EPHA5: variants seen among roughly 807,000 people sequenced by gnomAD.
The protein encoded by EPHA5 is ephrin type-A receptor 5.
Under a neutral mutation model 105.0 loss-of-function variants are expected in EPHA5, and 60 were observed. That is an observed-to-expected ratio of 0.57 (90% CI 0.46 to 0.71). The LOEUF is 0.71. Among genes scored for constraint, EPHA5 ranks in the 30% least tolerant of loss-of-function variants. EPHA5 has a pLI of 0.00. For missense variants in EPHA5, 1,218 were observed against 1,274.7 expected, an observed-to-expected ratio of 0.96 and a Z score of 0.68; for synonymous variants, 513 against 449.1, an observed-to-expected ratio of 1.14 and a Z score of -1.80.
Position 65,420,488 on chromosome 4 carries a change from G to T in EPHA5, c.1480C>A (p.Arg494Ser). 6.2e-7 allele frequency: 1 copy of T among 1,612,442 alleles called. No homozygotes were observed. The highest frequency in any genetic ancestry group is 1.1e-5 in the South Asian group (1 of 90,934). ...TACTCTAGGATGATTCCATTGGGACGATCTGGTTCTTGCCAAGACAAAGAG... is the reference window on the plus strand; with the variant it reads ...TACTCTAGGATGATTCCATTGGGACTATCTGGTTCTTGCCAAGACAAAGAG... ...SISLSWQEPDRPNGIILEYEI... is the reference protein window; with the variant it reads ...SISLSWQEPDSPNGIILEYEI... The change falls in exon 6 of 17, where the codon CGT (arginine) becomes AGT (serine). Residue 494 changes from arginine (R) to serine (S), a missense_variant. By Grantham distance (110) the Arg-to-Ser change is moderately radical. This residue lies in a region of EPHA5 where 971 missense variants were observed against 1,013.5 expected (regional missense o/e 0.96). Transcript: ENST00000613740.
chr4:65,325,470 A>C (rs957569258), intron 16 of EPHA5, among the ~76,000 whole-genome samples: 21 of 127,232 alleles, frequency 1.7e-4, no homozygotes, highest in East Asian at 3.9e-4. Flanking sequence ...CTACCCCCCC[A>C]AAAAAATGCT....
chr4:65,476,125 AGAGTGTGTGT>A (rs1729784111), intron 5 of EPHA5, among the ~76,000 whole-genome samples: 2 of 132,252 alleles, frequency 1.5e-5, no homozygotes, highest in Admixed American at 7.5e-5. Flanking sequence ...AGAGAGAGAG[AGAGTGTGTGT>A]GTGTGTGTGT....
At chr4:65,523,101 G>T (rs1296960597) in intron 3 of EPHA5, among the ~76,000 whole-genome samples, 1 of 151,804 alleles carries the variant, frequency 6.6e-6, no homozygotes, top group African/African-American at 2.4e-5. Context: ...CAGCACTGGT[G>T]GTTAGACCAA....
chr4:65,332,329 C>T (rs1720702353), intron 15 of EPHA5, among the ~76,000 whole-genome samples: 1 of 151,344 alleles, frequency 6.6e-6, no homozygotes, highest in African/African-American at 2.4e-5. Flanking sequence ...TTATTTTATC[C>T]ATAATTAATG....
chr4:65,648,181 C>A (rs1748292961), intron 1 of EPHA5, among the ~76,000 whole-genome samples: 1 of 152,128 alleles, frequency 6.6e-6, no homozygotes, highest in African/African-American at 2.4e-5. Context: ...ATTCCTAAAT[C>A]CTCAACTTCA....
intron 8 of EPHA5, among the ~76,000 whole-genome samples, chr4:65,397,284 C>A (rs567517380): frequency 3.9e-5 from 6 of 152,196 alleles, no homozygotes; most frequent in African/African-American, 1.4e-4. Context: ...CTCTCCAATA[C>A]AGCTCCCCTC....
chr4:65,426,110 A>C (rs1462083542), intron 5 of EPHA5, among the ~76,000 whole-genome samples: 1 of 152,018 alleles, frequency 6.6e-6, no homozygotes, highest in Non-Finnish European at 1.5e-5. Context: ...TCATGCTGTA[A>C]TTTTGTCACG....
At position 65,534,860 on chromosome 4, in the gene EPHA5, T is replaced by C. The variant is rs530753156; in HGVS notation, c.911-39317A>G. On this transcript the variant is annotated intron_variant, in intron 3 of 16. Transcript: ENST00000613740. ...TATGTTCACTGAAAAGTGGCCATTATGTGAAACAACCTGCAGATAAACATT... is the reference window on the plus strand; with the variant it reads ...TATGTTCACTGAAAAGTGGCCATTACGTGAAACAACCTGCAGATAAACATT... Among the ~76,000 whole-genome samples, 22 of 152,380 alleles carry C rather than the reference T, an allele frequency of 1.4e-4. No homozygotes were observed. The East Asian group carries it at 3.9e-3, about 27-fold the overall frequency.
At chr4:65,617,634 G>A (rs1015519481) in intron 2 of EPHA5, among the ~76,000 whole-genome samples, 10 of 152,060 alleles carry the variant, frequency 6.6e-5, no homozygotes, top group Non-Finnish European at 1.5e-4. Flanking sequence ...CAGCCTTTTG[G>A]TCTGGCCACT....
intron 1 of EPHA5, among the ~76,000 whole-genome samples, chr4:65,645,120 T>A (rs572852906): frequency 2.6e-5 from 4 of 152,098 alleles, no homozygotes; most frequent in Non-Finnish European, 5.9e-5. Context: ...TACATCTAAT[T>A]TTTCAGACAG....
At chr4:65,344,948 A>G (rs1722075449) in intron 14 of EPHA5, among the ~76,000 whole-genome samples, 1 of 152,216 alleles carries the variant, frequency 6.6e-6, no homozygotes, top group Non-Finnish European at 1.5e-5. Flanking sequence ...ATGCTTAGAT[A>G]CAAAAATTTT....
At chr4:65,500,493 A>C (rs2149239392) in intron 3 of EPHA5, among the ~76,000 whole-genome samples, 1 of 151,298 alleles carries the variant, frequency 6.6e-6, no homozygotes, top group East Asian at 1.9e-4. Context: ...GCACCTATTT[A>C]GAAATTTGCT....
chr4:65,429,931 A>C (rs1724817178), intron 5 of EPHA5, among the ~76,000 whole-genome samples: 1 of 152,042 alleles, frequency 6.6e-6, no homozygotes, highest in Non-Finnish European at 1.5e-5. Context: ...AATATCTTTA[A>C]ATAGCATCAT....
In EPHA5 at chr4:65,510,031, CTT is replaced by C. The variant is rs11300558; in HGVS notation, c.911-14490_911-14489del. ...ATGCAATTTCAGATGATACATACTTCTTTTTTTTTTTTTTTTTTTCGAGATGG... is the reference window on the plus strand; with the variant it reads ...ATGCAATTTCAGATGATACATACTTCTTTTTTTTTTTTTTTTTCGAGATGG... On this transcript the variant is annotated intron_variant, in intron 3 of 16. Coordinates refer to ENST00000613740, the MANE Select transcript of EPHA5 (RefSeq NM_001281766.3). 4.1e-3 allele frequency among the ~76,000 whole-genome samples: 484 copies of C among 119,374 alleles called. 1 individual carries two copies. The highest frequency in any genetic ancestry group is 0.014 in the African/African-American group (423 of 30,504). The allele number at this position is 119,374 out of a possible 152,430, so 78.3% of individuals were successfully genotyped here. A position where few individuals can be genotyped will look rare whatever the true frequency, so the allele number is the denominator to read the frequency against.
At position 65,541,716 on chromosome 4, in the gene EPHA5, T is replaced by G. The variant is rs139783159; in HGVS notation, c.911-46173A>C. On this transcript the variant is annotated intron_variant, in intron 3 of 16. Transcript: ENST00000613740. The stretch of plus-strand genomic sequence containing the variant: ...ATCAGACAGACAATTAACAAGGATA[T>G]TCAGGACTTGAACTCAGCTTTGGAT... Among the ~76,000 whole-genome samples the G allele has an allele frequency of 3.3e-3, 495 of 151,946 alleles. 1 individual carries two copies. The highest frequency in any genetic ancestry group is 0.016 in the East Asian group (82 of 5,156).
intron 3 of EPHA5, among the ~76,000 whole-genome samples, chr4:65,551,262 G>A (rs1156745311): frequency 3.0e-5 from 3 of 99,512 alleles, no homozygotes; most frequent in Non-Finnish European, 4.3e-5. Flanking sequence ...ATATGTGTGT[G>A]TGTGTGTGTG....
chr4:65,659,544 T>C lies in EPHA5; in HGVS notation c.181+10018A>G, dbSNP rs140267816. On this transcript the variant is annotated intron_variant, in intron 1 of 16. Transcript: ENST00000613740. ...TTAATGAGAGGGAAAAAATTATAGC[T>C]ATGACTAAGTATGAGAGGAAATATC... Among the ~76,000 whole-genome samples, 327 of 152,042 alleles carry C rather than the reference T, an allele frequency of 2.2e-3. 2 individuals are homozygous for C. The highest frequency in any genetic ancestry group is 6.8e-3 in the Middle Eastern group (2 of 294).
At chr4:65,413,575 A>AAT (rs1273671451) in intron 7 of EPHA5, among the ~76,000 whole-genome samples, 2 of 152,080 alleles carry the variant, frequency 1.3e-5, no homozygotes, top group Non-Finnish European at 2.9e-5. Flanking sequence ...GCTTAAAGCA[A>AAT]ATACACACAC....
chr4:65,520,088 G>C (rs371103151), intron 3 of EPHA5, among the ~76,000 whole-genome samples: 1 of 152,096 alleles, frequency 6.6e-6, no homozygotes, highest in East Asian at 1.9e-4. Flanking sequence ...TAAGCCAAAA[G>C]AACAAAGCTG....
Sources: gnomAD v4.1 joint callset for allele counts (sites outside exome capture counted in the v4.1 genomes callset) on GRCh38, gnomAD v4.1.1 for gene constraint, gnomAD v4.1.1 regional missense constraint, MANE v1.5 for transcripts, NCBI Gene and HGNC (gene_info 2026-07-23, HGNC 2026-07-21) for gene names.